ANGPT1: variants seen among roughly 807,000 people sequenced by gnomAD.
The protein encoded by ANGPT1 is angiopoietin-1.
Under a neutral mutation model 62.2 loss-of-function variants are expected in ANGPT1, and 17 were observed. The ratio of observed to expected loss-of-function variants is 0.27; its 90% CI spans 0.19 to 0.41. The LOEUF is 0.41. ANGPT1 is among the 10% of genes least tolerant of loss of function. ANGPT1 has a pLI of 1.00. For synonymous variants in ANGPT1, 199 were observed against 198.9 expected (o/e 1.00, Z 0.00); for missense variants, 478 against 594.9 (o/e 0.80, Z 2.04).
intron 7 of ANGPT1, among the ~76,000 whole-genome samples, chr8:107,279,490 C>G (rs4236784): frequency 0.78 from 118,466 of 152,080 alleles, 46,551 homozygotes; most frequent in Middle Eastern, 0.85. Context: ...TTTGAGGATG[C>G]CCATATGGTG....
chr8:107,332,579 T>A (rs2130105519), intron 3 of ANGPT1, among the ~76,000 whole-genome samples: 1 of 152,316 alleles, frequency 6.6e-6, no homozygotes, highest in African/African-American at 2.4e-5. Flanking sequence ...TGTCAGGATG[T>A]AAATCAGCAG....
chr8:107,294,703 A>G (rs1211897085), intron 5 of ANGPT1: 1 of 152,156 alleles, frequency 6.6e-6, no homozygotes, highest in Non-Finnish European at 1.5e-5. Flanking sequence ...CTTCTTTCCC[A>G]TGTGGAAAAT....
intron 1 of ANGPT1, among the ~76,000 whole-genome samples, chr8:107,469,096 G>A (rs943323407): frequency 6.6e-6 from 1 of 151,910 alleles, no homozygotes; most frequent in Non-Finnish European, 1.5e-5. Flanking sequence ...CTTTTTCTTT[G>A]TTTGCAAATA....
intron 1 of ANGPT1, among the ~76,000 whole-genome samples, chr8:107,446,041 C>T (rs1387467776): frequency 1.3e-5 from 2 of 152,138 alleles, no homozygotes; most frequent in Non-Finnish European, 2.9e-5. Context: ...CCTCAGCCTC[C>T]TGAGTAGCTG....
chr8:107,321,984 A>G lies in ANGPT1; in HGVS notation c.720T>C (p.Ala240=), dbSNP rs374939219. The G allele has an allele frequency of 4.3e-6, 7 of 1,613,904 alleles. No individual in the cohort carries two copies. Among genetic ancestry groups the G allele is most frequent in the Non-Finnish European group, 5.9e-6 (7 of 1,179,924 alleles). Residue 240 remains alanine, a synonymous_variant, in exon 4 of 9, where the codon GCT becomes GCC. Transcript: ENST00000517746. ...TCTGAAGGACACTGTTGTTGGTGGT[A>G]GCTCTGTTTAATTGCTTTTCCAGCT... ...IQELEKQLNR[A]TTNNSVLQKQ...
chr8:107,497,151 C>A (rs1452838221), intron 1 of ANGPT1, 111 bp downstream of exon 1: 2 of 1,281,204 alleles, frequency 1.6e-6, no homozygotes, highest in Admixed American at 4.5e-5. Flanking sequence ...AACACTGCCC[C>A]CCTGGAGCAA....
Position 107,370,407 on chromosome 8 carries a change from A to AGAAAGAAAGAAAGGAAG in ANGPT1, c.298-23311_298-23310insCTTCCTTTCTTTCTTTC, listed in dbSNP as rs149930759. Among the ~76,000 whole-genome samples, 531 of 71,950 alleles carry AGAAAGAAAGAAAGGAAG rather than the reference A, an allele frequency of 7.4e-3. 111 individuals are homozygous for AGAAAGAAAGAAAGGAAG. Among genetic ancestry groups the AGAAAGAAAGAAAGGAAG allele is most frequent in the Admixed American group, 1.0e-2 (72 of 7,220 alleles). 47.2% of individuals were successfully genotyped at this position (71,950 alleles called of 152,430 possible). ...AAGAAAGAAAGAAAGAAAGAAAGAA[A>AGAAAGAAAGAAAGGAAG]GAGTCAGGGTCAGTGGCTCAGGCCT... On this transcript the variant is annotated intron_variant, in intron 1 of 8. Transcript: ENST00000517746.
At chr8:107,365,827 C>T (rs1414406101) in intron 1 of ANGPT1, among the ~76,000 whole-genome samples, 3 of 149,992 alleles carry the variant, frequency 2.0e-5, no homozygotes, top group Non-Finnish European at 4.4e-5. Flanking sequence ...GTAAGAAGTG[C>T]AGTTTTAATT....
intron 8 of ANGPT1, among the ~76,000 whole-genome samples, chr8:107,258,244 A>C: frequency 6.6e-6 from 1 of 152,088 alleles, no homozygotes; most frequent in East Asian, 1.9e-4. Flanking sequence ...AGGCCTCTGG[A>C]GGTTGAGTAC....
At chr8:107,495,664 T>A (rs1274299643) in intron 1 of ANGPT1, among the ~76,000 whole-genome samples, 1 of 152,210 alleles carries the variant, frequency 6.6e-6, no homozygotes, top group East Asian at 1.9e-4. Context: ...ATGATTGAAT[T>A]CTCACTAAAA....
At chr8:107,465,260 C>A (rs116098357) in intron 1 of ANGPT1, among the ~76,000 whole-genome samples, 176 of 152,176 alleles carry the variant, frequency 1.2e-3, no homozygotes, top group African/African-American at 4.0e-3. Flanking sequence ...CATTAAAAAA[C>A]AAATGCATTG....
At chr8:107,456,398 G>T (rs1263365304) in intron 1 of ANGPT1, among the ~76,000 whole-genome samples, 1 of 152,020 alleles carries the variant, frequency 6.6e-6, no homozygotes, top group Non-Finnish European at 1.5e-5. Flanking sequence ...CAAAAGTCCT[G>T]TTCTAAAAAT....
At chr8:107,382,343 T>G (rs1462856009) in intron 1 of ANGPT1, among the ~76,000 whole-genome samples, 1 of 152,104 alleles carries the variant, frequency 6.6e-6, no homozygotes, top group Non-Finnish European at 1.5e-5. Flanking sequence ...TTTAGATACA[T>G]CACATACAAT....
intron 7 of ANGPT1, 122 bp downstream of exon 7, chr8:107,284,560 C>T: frequency 1.1e-6 from 1 of 876,334 alleles, no homozygotes; most frequent in Non-Finnish European, 1.5e-6. Flanking sequence ...TAGGTCTAGA[C>T]AAAAAAAAAA....
intron 1 of ANGPT1, among the ~76,000 whole-genome samples, chr8:107,394,201 A>G (rs1389391725): frequency 6.6e-6 from 1 of 152,134 alleles, no homozygotes. Flanking sequence ...AGAAACTGAG[A>G]TTGTTTAGTT....
At chr8:107,425,702 C>G (rs1168486989) in intron 1 of ANGPT1, among the ~76,000 whole-genome samples, 3 of 152,156 alleles carry the variant, frequency 2.0e-5, no homozygotes, top group Non-Finnish European at 4.4e-5. Flanking sequence ...TCTTTTGGAT[C>G]TGGAAAGATG....
chr8:107,496,504 G>A (rs956232633), intron 1 of ANGPT1, among the ~76,000 whole-genome samples: 1 of 152,194 alleles, frequency 6.6e-6, no homozygotes, highest in Non-Finnish European at 1.5e-5. Context: ...AATGCCCTGA[G>A]AAGGGAGGTA....
rs563780015 is a variant in ANGPT1, at chr8:107,453,298, T to C, written c.297+43964A>G. Among the ~76,000 whole-genome samples, 180 of 152,212 alleles carry C rather than the reference T, an allele frequency of 1.2e-3. 1 individual carries two copies. Among genetic ancestry groups the C allele is most frequent in the African/African-American group, 4.1e-3 (172 of 41,554 alleles). On this transcript the variant is annotated intron_variant, in intron 1 of 8. Transcript: ENST00000517746. The stretch of plus-strand genomic sequence containing the variant: ...CATTGCAATACCATTTTTAAGTTTA[T>C]ATTAGTCTGTTTTCATGCTGCTGAT...
At chr8:107,349,144 A>AGATG (rs1477534424) in intron 1 of ANGPT1, among the ~76,000 whole-genome samples, 33 of 151,756 alleles carry the variant, frequency 2.2e-4, no homozygotes, top group Non-Finnish European at 4.3e-4. Flanking sequence ...ATAGATAGAT[A>AGATG]GATAGATAGA....
Sources: allele counts gnomAD v4.1 joint callset (sites outside exome capture counted in the v4.1 genomes callset), GRCh38; gene constraint gnomAD v4.1.1; transcripts MANE v1.5; gene names NCBI Gene and HGNC (gene_info 2026-07-23, HGNC 2026-07-21).